CATSPERB: variants seen among roughly 807,000 people sequenced by gnomAD.
The protein encoded by CATSPERB is catsper channel auxiliary subunit beta, also known as cation channel sperm-associated auxiliary subunit beta.
Under a neutral mutation model 128.3 loss-of-function variants are expected in CATSPERB, and 93 were observed. That is an observed-to-expected ratio of 0.72 (90% CI 0.61 to 0.86). CATSPERB has a LOEUF of 0.86. Ranked by LOEUF, CATSPERB falls within the 40% of genes least tolerant of loss-of-function variation. CATSPERB has a pLI of 0.00. For synonymous variants in CATSPERB, 381 were observed against 448.8 expected (o/e 0.85, Z 1.91); for missense variants, 1,153 against 1,329.5 (o/e 0.87, Z 2.06).
At chr14:91,692,475 C>T (rs1459674000) in intron 9 of CATSPERB, among the ~76,000 whole-genome samples, 1 of 152,190 alleles carries the variant, frequency 6.6e-6, no homozygotes, top group African/African-American at 2.4e-5. Flanking sequence ...ATGGTACTTT[C>T]TCAGAGATGG....
At chr14:91,632,431 T>TA in intron 17 of CATSPERB, among the ~76,000 whole-genome samples, 1 of 151,896 alleles carries the variant, frequency 6.6e-6, no homozygotes, top group Non-Finnish European at 1.5e-5. Context: ...AAAAGCATAA[T>TA]AAAAAAGCCA....
At chr14:91,663,997 T>C (rs1894933940) in intron 14 of CATSPERB, among the ~76,000 whole-genome samples, 2 of 152,288 alleles carry the variant, frequency 1.3e-5, no homozygotes, top group South Asian at 2.1e-4. Flanking sequence ...CTTAGTCTTA[T>C]ACATCCTATG....
intron 14 of CATSPERB, among the ~76,000 whole-genome samples, chr14:91,660,363 A>G (rs568629800): frequency 6.6e-6 from 1 of 152,358 alleles, no homozygotes; most frequent in Non-Finnish European, 1.5e-5. Context: ...CCATATTGAC[A>G]TAATACTTCA....
At chr14:91,586,337 G>A (rs1029044515) in intron 26 of CATSPERB, among the ~76,000 whole-genome samples, 3 of 151,948 alleles carry the variant, frequency 2.0e-5, no homozygotes, top group African/African-American at 7.3e-5. Flanking sequence ...GCTGCTCTTG[G>A]GCCAAAGAGA....
chr14:91,628,645 T>C (rs1375975898), intron 17 of CATSPERB, among the ~76,000 whole-genome samples: 1 of 152,198 alleles, frequency 6.6e-6, no homozygotes, highest in Non-Finnish European at 1.5e-5. Flanking sequence ...CCTGCCGCCA[T>C]GTAAGACGTG....
chr14:91,640,588 G>T, intron 15 of CATSPERB, among the ~76,000 whole-genome samples: 2 of 89,528 alleles, frequency 2.2e-5, no homozygotes, highest in East Asian at 2.9e-4. Flanking sequence ...CATTTTTTAT[G>T]GCTGCATAGT....
intron 20 of CATSPERB, among the ~76,000 whole-genome samples, chr14:91,616,439 C>T (rs145450149): frequency 1.8e-3 from 281 of 152,064 alleles, no homozygotes; most frequent in African/African-American, 6.3e-3. Flanking sequence ...GTAATGCTAA[C>T]GAAGGGTTCA....
rs572387741 is a variant in CATSPERB, at chr14:91,581,215, T to A, written c.3133-108A>T. ...TCGGAGAGCAAAACGCTGCCCAGAGTTACAAAGACATTCAGCATCCACAAA... is the reference window on the plus strand; with the variant it reads ...TCGGAGAGCAAAACGCTGCCCAGAGATACAAAGACATTCAGCATCCACAAA... On this transcript the variant is annotated intron_variant, in intron 26 of 26. Coordinates refer to ENST00000256343, the MANE Select transcript of CATSPERB (RefSeq NM_024764.4). 4.5e-4 allele frequency: 373 copies of A among 830,420 alleles called. 8 individuals are homozygous for A. The South Asian group carries it at 6.4e-3, about 14-fold the overall frequency. 51.4% of individuals were successfully genotyped at this position (830,420 alleles called of 1,614,324 possible).
chr14:91,580,843 G>T lies in CATSPERB; in HGVS notation c.*46C>A. The T allele has an allele frequency of 2.1e-6, 3 of 1,409,966 alleles. No homozygotes were observed. Among genetic ancestry groups the T allele is most frequent in the Non-Finnish European group, 3.0e-6 (3 of 1,002,046 alleles). 87.3% of individuals were successfully genotyped at this position (1,409,966 alleles called of 1,614,324 possible). ...ATTTAAATATATTGTTCTAGGAATTGGCTGATAAAACTAGAAAATAAAGAG... is the reference window on the plus strand; with the variant it reads ...ATTTAAATATATTGTTCTAGGAATTTGCTGATAAAACTAGAAAATAAAGAG... On this transcript the variant is annotated 3_prime_UTR_variant, in exon 27 of 27. Transcript: ENST00000256343.
At position 91,669,924 on chromosome 14, in the gene CATSPERB, G is replaced by C; in HGVS notation, c.1177C>G (p.Pro393Ala). The change falls in exon 14 of 27, where the codon CCA (proline) becomes GCA (alanine). Residue 393 changes from proline to alanine, a missense_variant. Coordinates refer to ENST00000256343, the MANE Select transcript of CATSPERB (RefSeq NM_024764.4). Reference protein sequence around the residue: ...ASVSTLRNNEPNSQSKFPIFR... With the variant: ...ASVSTLRNNEANSQSKFPIFR... ...ATTGGAAATTTTGATTGTGAATTTG[G>C]TTCATTATTTCTCAGGGTGCTCACA... The C allele has an allele frequency of 6.2e-7, 1 of 1,613,390 alleles. No individual in the cohort carries two copies. The highest frequency in any genetic ancestry group is 1.1e-5 in the South Asian group (1 of 90,818).
intron 14 of CATSPERB, among the ~76,000 whole-genome samples, chr14:91,663,549 G>A (rs1460063230): frequency 1.3e-5 from 2 of 150,016 alleles, no homozygotes; most frequent in Non-Finnish European, 3.0e-5. Context: ...GGAGGCTGAG[G>A]CAGAAGAATG....
At chr14:91,684,042 T>C in intron 10 of CATSPERB, 99 bp from the exon 11 acceptor site, 2 of 756,372 alleles carry the variant, frequency 2.6e-6, no homozygotes, top group Non-Finnish European at 2.1e-6. Context: ...GTTTGATAGT[T>C]CAGGAATGTG....
chr14:91,694,058 A>C (rs1895516673), intron 7 of CATSPERB, among the ~76,000 whole-genome samples: 1 of 152,102 alleles, frequency 6.6e-6, no homozygotes, highest in African/African-American at 2.4e-5. Context: ...ATGGTATATA[A>C]TTTCCTGATT....
At chr14:91,607,551 C>T (rs1341172748) in intron 22 of CATSPERB, among the ~76,000 whole-genome samples, 1 of 152,208 alleles carries the variant, frequency 6.6e-6, no homozygotes, top group Non-Finnish European at 1.5e-5. Context: ...CTGGGAAAAT[C>T]AGGTCAGACG....
intron 10 of CATSPERB, among the ~76,000 whole-genome samples, chr14:91,690,880 G>T (rs1257104923): frequency 6.6e-6 from 1 of 152,242 alleles, no homozygotes; most frequent in Non-Finnish European, 1.5e-5. Context: ...GGACAGAATA[G>T]GGAGGGCATA....
chr14:91,600,297 T>C (rs1313080791), intron 22 of CATSPERB, among the ~76,000 whole-genome samples: 1 of 152,214 alleles, frequency 6.6e-6, no homozygotes, highest in African/African-American at 2.4e-5. Flanking sequence ...AAAGCAATTA[T>C]TATAGCTATT....
chr14:91,663,478 T>C (rs1894921602), intron 14 of CATSPERB, among the ~76,000 whole-genome samples: 1 of 151,922 alleles, frequency 6.6e-6, no homozygotes, highest in Non-Finnish European at 1.5e-5. Flanking sequence ...ACCCTGTCTC[T>C]ACTAAAAATA....
chr14:91,674,376 G>A (rs577211742), intron 11 of CATSPERB, among the ~76,000 whole-genome samples, 154 bp from the exon 12 acceptor site: 25 of 152,154 alleles, frequency 1.6e-4, no homozygotes, highest in Non-Finnish European at 2.5e-4. Context: ...TAAAAGTTAT[G>A]TATCATCAAG....
intron 17 of CATSPERB, 91 bp downstream of exon 17, chr14:91,636,334 G>A (rs774835900): frequency 3.9e-5 from 47 of 1,204,042 alleles, no homozygotes; most frequent in Non-Finnish European, 5.3e-5. Flanking sequence ...CTGCACTCCA[G>A]CCTGGATGAC....
Sources: gnomAD v4.1 joint callset for allele counts (sites outside exome capture counted in the v4.1 genomes callset) on GRCh38, gnomAD v4.1.1 for gene constraint, MANE v1.5 for transcripts, NCBI Gene and HGNC (gene_info 2026-07-23, HGNC 2026-07-21) for gene names.